NAV1: variants seen among roughly 807,000 people sequenced by gnomAD.
NAV1 encodes the protein neuron navigator 1, also known as pore membrane and/or filament interacting like protein 3.
Under a neutral mutation model 175.2 loss-of-function variants are expected in NAV1, and 18 were observed. That is an observed-to-expected ratio of 0.10 (90% CI 0.07 to 0.15). NAV1 has a LOEUF of 0.15. Among genes scored for constraint, NAV1 ranks in the 10% least tolerant of loss-of-function variants. NAV1 has a pLI of 1.00. For missense variants in NAV1, 1,731 were observed against 2,436.6 expected, an observed-to-expected ratio of 0.71 and a Z score of 6.10; for synonymous variants, 897 against 978.7, an observed-to-expected ratio of 0.92 and a Z score of 1.56.
chr1:201,676,585 G>A (rs897342677), intron 1 of NAV1, among the ~76,000 whole-genome samples: 1 of 152,092 alleles, frequency 6.6e-6, no homozygotes, highest in African/African-American at 2.4e-5. Flanking sequence ...TCACCCCAGT[G>A]GTCCAGGCTG....
chr1:201,771,154 C>G (rs59064763), intron 3 of NAV1, among the ~76,000 whole-genome samples: 1 of 150,696 alleles, frequency 6.6e-6, no homozygotes, highest in African/African-American at 2.4e-5. Flanking sequence ...CTCAAAACAT[C>G]TGGTGACCCG....
intron 1 of NAV1, among the ~76,000 whole-genome samples, chr1:201,708,067 T>A (rs532487876): frequency 6.6e-6 from 1 of 152,150 alleles, no homozygotes; most frequent in Non-Finnish European, 1.5e-5. Flanking sequence ...CTGTCAAGTG[T>A]ATTTGATTGC....
At chr1:201,684,168 C>T (rs766024580) in intron 1 of NAV1, among the ~76,000 whole-genome samples, 1 of 152,132 alleles carries the variant, frequency 6.6e-6, no homozygotes, top group Non-Finnish European at 1.5e-5. Context: ...TCATTTTGCA[C>T]ATTCCCTGCC....
At chr1:201,760,181 G>C (rs373110823) in intron 3 of NAV1, among the ~76,000 whole-genome samples, 3 of 152,236 alleles carry the variant, frequency 2.0e-5, no homozygotes, top group East Asian at 3.9e-4. Context: ...TATATAACCT[G>C]GTGGCTGGGC....
At chr1:201,717,674 G>C (rs1265802389) in intron 2 of NAV1, among the ~76,000 whole-genome samples, 2 of 152,200 alleles carry the variant, frequency 1.3e-5, no homozygotes, top group African/African-American at 2.4e-5. Context: ...TCCAGTTAAG[G>C]CTGCTTCTAT....
rs375151559 is a variant in NAV1 at position 201,667,932 on chromosome 1, A to G, written c.757+18507A>G. Among the ~76,000 whole-genome samples, 95 of 152,192 alleles carry G rather than the reference A, an allele frequency of 6.2e-4. 2 individuals are homozygous for G. The highest frequency in any genetic ancestry group is 2.2e-3 in the African/African-American group (93 of 41,502). ...TTGATGTTCCAGGGTGGAGGCCCTC[A>G]CCACGCATCTGATGGGCCAGTCTCA... On this transcript the variant is annotated intron_variant, in intron 1 of 29. Coordinates refer to ENST00000367296, the Ensembl canonical transcript of NAV1.
intron 16 of NAV1, chr1:201,804,098 G>C (rs1173540115): frequency 4.3e-6 from 2 of 462,352 alleles, no homozygotes; most frequent in Non-Finnish European, 8.1e-6. Flanking sequence ...GTTCATTCTA[G>C]ACTCCTGGAG....
intron 3 of NAV1, among the ~76,000 whole-genome samples, chr1:201,726,057 G>A (rs758108868): frequency 2.6e-5 from 4 of 152,254 alleles, no homozygotes. Flanking sequence ...GATGATAGCT[G>A]TTGCTTCATT....
intron 1 of NAV1, among the ~76,000 whole-genome samples, chr1:201,705,848 G>A (rs945815910): frequency 6.9e-6 from 1 of 144,292 alleles, no homozygotes; most frequent in Admixed American, 7.4e-5. Flanking sequence ...TGCTTGCTGG[G>A]TTATCTGTCA....
intron 28 of NAV1, chr1:201,816,788 A>G (rs1447174733): frequency 8.4e-6 from 2 of 238,000 alleles, no homozygotes; most frequent in East Asian, 1.2e-4. Context: ...CAGCCTCCCA[A>G]GTAGGTAGGA....
At chr1:201,682,964 C>T (rs1416064225) in intron 1 of NAV1, among the ~76,000 whole-genome samples, 1 of 152,162 alleles carries the variant, frequency 6.6e-6, no homozygotes, top group Non-Finnish European at 1.5e-5. Flanking sequence ...ACCTTTACTG[C>T]AATTAATGAA....
At chr1:201,589,136 C>T (rs1667118251) in intron 2 of NAV1, among the ~76,000 whole-genome samples, 1 of 152,228 alleles carries the variant, frequency 6.6e-6, no homozygotes, top group African/African-American at 2.4e-5. Context: ...GCATGAGCCA[C>T]TGCACCCGGC....
intron 1 of NAV1, among the ~76,000 whole-genome samples, chr1:201,676,198 A>G (rs1186194868): frequency 6.6e-6 from 1 of 152,164 alleles, no homozygotes; most frequent in African/African-American, 2.4e-5. Flanking sequence ...TCCTGCAGAG[A>G]GGTCCTCCTG....
At chr1:201,729,354 A>G (rs1245127416) in intron 3 of NAV1, among the ~76,000 whole-genome samples, 3 of 152,254 alleles carry the variant, frequency 2.0e-5, no homozygotes, top group African/African-American at 7.2e-5. Flanking sequence ...TGTATGTAAT[A>G]CACTTGGTGG....
chr1:201,676,760 T>C (rs1670269476), intron 1 of NAV1, among the ~76,000 whole-genome samples: 1 of 152,206 alleles, frequency 6.6e-6, no homozygotes, highest in South Asian at 2.1e-4. Context: ...AATAATTAGA[T>C]AATTAATAAT....
chr1:201,703,215 A>T (rs953104843), intron 1 of NAV1, among the ~76,000 whole-genome samples: 6 of 152,278 alleles, frequency 3.9e-5, no homozygotes, highest in Non-Finnish European at 5.9e-5. Flanking sequence ...ACTAATGGAA[A>T]ACATTTTCAG....
intron 1 of NAV1, among the ~76,000 whole-genome samples, chr1:201,689,800 C>T (rs758329442): frequency 1.1e-4 from 16 of 152,176 alleles, no homozygotes; most frequent in Admixed American, 1.3e-4. Flanking sequence ...TGGGGGAGTG[C>T]GGTGGAAGCT....
intron 1 of NAV1, among the ~76,000 whole-genome samples, chr1:201,573,982 C>T (rs370636351): frequency 4.0e-5 from 6 of 151,762 alleles, no homozygotes; most frequent in Admixed American, 3.3e-4. Context: ...CTTGAGCCCA[C>T]GAGTTTGAGG....
intron 1 of NAV1, among the ~76,000 whole-genome samples, chr1:201,702,589 T>C (rs1989428): frequency 0.016 from 2,346 of 151,128 alleles, 85 homozygotes; most frequent in African/African-American, 0.055. Context: ...AGGCTGGTCT[T>C]GAATTCCTGA....
Sources: allele counts gnomAD v4.1 joint callset (sites outside exome capture counted in the v4.1 genomes callset), GRCh38; gene constraint gnomAD v4.1.1; transcripts MANE v1.5; gene names NCBI Gene and HGNC (gene_info 2026-07-23, HGNC 2026-07-21).